The following CSMD1 variants were observed in gnomAD, a reference collection of about 807,000 sequenced individuals.
CSMD1 encodes CUB and Sushi multiple domains 1, also known as CUB and sushi domain-containing protein 1.
In CSMD1, 213 loss-of-function variants were observed where a neutral mutation model predicts 417.5. The ratio of observed to expected loss-of-function variants is 0.51; its 90% CI spans 0.46 to 0.57. The LOEUF is 0.57. CSMD1 is among the 20% of genes least tolerant of loss of function. The probability of loss-of-function intolerance (pLI) is 0.00; values close to 1 mark genes in which losing one functional copy is unlikely to be tolerated. For missense variants in CSMD1, 6,923 were observed against 4,529.7 expected (o/e 1.53, Z -15.17); for synonymous variants, 2,862 against 1,736.8 (o/e 1.65, Z -16.11).
chr8:3,367,767 GA>G (rs1238338398), intron 19 of CSMD1, among the ~76,000 whole-genome samples: 3 of 152,186 alleles, frequency 2.0e-5, no homozygotes, highest in African/African-American at 7.2e-5. Context: ...GTTATATATA[GA>G]TACAGATATA....
intron 5 of CSMD1, among the ~76,000 whole-genome samples, chr8:3,988,946 C>A (rs1031510971): frequency 6.6e-6 from 1 of 152,048 alleles, no homozygotes; most frequent in African/African-American, 2.4e-5. Context: ...TTTTATAACT[C>A]AAAAAATTTG....
chr8:3,609,500 G>A (rs1160436935), intron 8 of CSMD1, among the ~76,000 whole-genome samples: 2 of 152,036 alleles, frequency 1.3e-5, no homozygotes, highest in African/African-American at 4.8e-5. Context: ...CATAATGATA[G>A]AATTAATATT....
At chr8:4,680,950 A>ATGTGTGTGTGTGTGTGTGTGTG (rs71209112) in intron 1 of CSMD1, among the ~76,000 whole-genome samples, 2 of 144,484 alleles carry the variant, frequency 1.4e-5, no homozygotes, top group East Asian at 2.1e-4. Flanking sequence ...ATCTATATTG[A>ATGTGTGTGTGTGTGTGTGTGTG]TGTGTGTGTG....
chr8:3,296,068 A>G (rs1379760352), intron 25 of CSMD1, among the ~76,000 whole-genome samples: 1 of 152,064 alleles, frequency 6.6e-6, no homozygotes, highest in Non-Finnish European at 1.5e-5. Flanking sequence ...TGAGTGAAGA[A>G]TATGGAATGT....
chr8:3,191,316 C>A (rs1398805370), intron 33 of CSMD1, among the ~76,000 whole-genome samples: 1 of 152,058 alleles, frequency 6.6e-6, no homozygotes, highest in Non-Finnish European at 1.5e-5. Flanking sequence ...ATTAGCCGGG[C>A]ATGGTGGCAC....
intron 1 of CSMD1, among the ~76,000 whole-genome samples, chr8:4,695,130 G>A (rs1019701666): frequency 6.6e-6 from 1 of 152,046 alleles, no homozygotes; most frequent in Non-Finnish European, 1.5e-5. Flanking sequence ...CGACCACCGT[G>A]ACTTATCAAA....
At chr8:4,041,184 T>A (rs1427536961) in intron 3 of CSMD1, among the ~76,000 whole-genome samples, 1 of 151,536 alleles carries the variant, frequency 6.6e-6, no homozygotes, top group East Asian at 1.9e-4. Flanking sequence ...GCCCGGCTAA[T>A]TTTTTTGTAT....
intron 62 of CSMD1, among the ~76,000 whole-genome samples, chr8:2,959,307 G>A (rs1563181339): frequency 6.6e-6 from 1 of 151,914 alleles, no homozygotes; most frequent in East Asian, 1.9e-4. Flanking sequence ...GTCTTGCTAT[G>A]TTGCCCAGGC....
intron 2 of CSMD1, among the ~76,000 whole-genome samples, chr8:4,584,306 ACCGTCG>A (rs746414464): frequency 1.3e-3 from 202 of 151,994 alleles, no homozygotes; most frequent in Admixed American, 2.1e-3. Flanking sequence ...GAGTGGTGAG[ACCGTCG>A]CCTATCGCCG....
intron 1 of CSMD1, among the ~76,000 whole-genome samples, chr8:4,899,186 G>T (rs558452635): frequency 6.6e-6 from 1 of 152,286 alleles, no homozygotes; most frequent in African/African-American, 2.4e-5. Flanking sequence ...ATATGTGTGG[G>T]TATATGTCCT....
intron 5 of CSMD1, among the ~76,000 whole-genome samples, chr8:3,941,661 G>A (rs755312152): frequency 2.0e-5 from 3 of 152,066 alleles, no homozygotes; most frequent in Non-Finnish European, 2.9e-5. Context: ...TCAACTGCAA[G>A]CCCACGCAGA....
chr8:3,094,880 C>A (rs556889742), intron 47 of CSMD1, among the ~76,000 whole-genome samples: 2 of 150,828 alleles, frequency 1.3e-5, no homozygotes, highest in African/African-American at 4.9e-5. Flanking sequence ...AAAATGTCAT[C>A]GCTTAAAAAC....
intron 3 of CSMD1, among the ~76,000 whole-genome samples, chr8:4,325,079 G>A (rs1313784166): frequency 2.6e-5 from 4 of 152,116 alleles, no homozygotes; most frequent in Admixed American, 6.6e-5. Context: ...GAGCCAGGAG[G>A]GAAAAATCAG....
intron 14 of CSMD1, 93 bp from the exon 15 acceptor site, chr8:3,406,314 C>A (rs377723447): frequency 2.0e-5 from 20 of 979,722 alleles, no homozygotes; most frequent in African/African-American, 8.2e-5. Flanking sequence ...GCTTATAAAG[C>A]ATTCATATAA....
At chr8:3,263,330 C>T (rs1817145579) in intron 26 of CSMD1, among the ~76,000 whole-genome samples, 1 of 152,188 alleles carries the variant, frequency 6.6e-6, no homozygotes, top group South Asian at 2.1e-4. Context: ...AACTCCTGGC[C>T]TCAAGTGATC....
At chr8:4,440,810 A>T (rs976428192) in intron 2 of CSMD1, among the ~76,000 whole-genome samples, 5 of 152,124 alleles carry the variant, frequency 3.3e-5, no homozygotes, top group African/African-American at 1.2e-4. Context: ...AGCCTGGCTA[A>T]CATGCTCAAA....
At chr8:3,385,307 C>G (rs1810938293) in intron 18 of CSMD1, among the ~76,000 whole-genome samples, 2 of 146,384 alleles carry the variant, frequency 1.4e-5, no homozygotes, top group Non-Finnish European at 3.0e-5. Flanking sequence ...CTTTACATTT[C>G]TTGCTAGATA....
intron 9 of CSMD1, among the ~76,000 whole-genome samples, chr8:3,576,410 C>A (rs900518311): frequency 3.3e-5 from 5 of 152,100 alleles, no homozygotes; most frequent in African/African-American, 1.2e-4. Flanking sequence ...TAGGAACTGT[C>A]CTCTTTCTGC....
At chr8:4,717,603 C>T (rs369191077) in intron 1 of CSMD1, among the ~76,000 whole-genome samples, 1 of 151,622 alleles carries the variant, frequency 6.6e-6, no homozygotes, top group Non-Finnish European at 1.5e-5. Flanking sequence ...TCCATCCATC[C>T]ACAAGCAGTA....
Sources: gnomAD v4.1 joint callset for allele counts (sites outside exome capture counted in the v4.1 genomes callset) on GRCh38, gnomAD v4.1.1 for gene constraint, MANE v1.5 for transcripts, NCBI Gene and HGNC (gene_info 2026-07-23, HGNC 2026-07-21) for gene names.